PARD3B: variants seen among roughly 807,000 people sequenced by gnomAD.
PARD3B encodes par-3 family cell polarity regulator beta, also known as partitioning defective 3 homolog B.
PARD3B carries 103 observed loss-of-function variants against 130.2 expected under a neutral mutation model. The ratio of observed to expected loss-of-function variants is 0.79; its 90% confidence interval spans 0.67 to 0.93. PARD3B has a LOEUF of 0.93. Ranked by LOEUF, PARD3B falls within the 40% of genes least tolerant of loss-of-function variation. The probability of loss-of-function intolerance (pLI) is 0.00; values close to 1 mark genes in which losing one functional copy is unlikely to be tolerated. For synonymous variants in PARD3B, 583 were observed against 553.2 expected (o/e 1.05, Z -0.76); for missense variants, 1,609 against 1,499.2 (o/e 1.07, Z -1.21).
At position 205,124,404 on chromosome 2, in the gene PARD3B, A is replaced by AT. The variant is rs1195838301; in HGVS notation, c.1247dup (p.Leu416PhefsTer68). On this transcript the variant is annotated frameshift_variant, in exon 9 of 23. Coordinates refer to ENST00000406610, the MANE Select transcript of PARD3B (RefSeq NM_001302769.2). LOFTEE classifies it high-confidence loss of function. ...TCCCGGTCCCATTTTTGTAAAAAAC[A>AT]TTTTACCAAAGGGAGCAGCAATAAA... 5 of 1,607,816 alleles carry AT rather than the reference A, an allele frequency of 3.1e-6. No homozygotes were observed. In the South Asian group the frequency reaches 5.6e-5, roughly 18 times the overall value.
At chr2:205,339,974 T>G (rs986692062) in intron 18 of PARD3B, among the ~76,000 whole-genome samples, 1 of 152,126 alleles carries the variant, frequency 6.6e-6, no homozygotes, top group African/African-American at 2.4e-5. Flanking sequence ...TTTTAAAATC[T>G]AAGATGAACT....
At chr2:205,605,757 C>T (rs2054970281) in intron 22 of PARD3B, among the ~76,000 whole-genome samples, 2 of 151,870 alleles carry the variant, frequency 1.3e-5, no homozygotes, top group African/African-American at 2.4e-5. Context: ...TAATGAAGTG[C>T]TCTGGCTGCC....
chr2:205,203,622 G>A (rs2037113870), intron 15 of PARD3B, among the ~76,000 whole-genome samples: 1 of 151,862 alleles, frequency 6.6e-6, no homozygotes, highest in Non-Finnish European at 1.5e-5. Flanking sequence ...CCCCCAACAG[G>A]CCCTGGTGTG....
chr2:205,308,730 G>A (rs2042274601), intron 18 of PARD3B, among the ~76,000 whole-genome samples: 1 of 152,062 alleles, frequency 6.6e-6, no homozygotes, highest in Admixed American at 6.5e-5. Flanking sequence ...AGATATTTCA[G>A]GGACAATCCA....
intron 22 of PARD3B, among the ~76,000 whole-genome samples, chr2:205,560,835 G>A (rs2106520188): frequency 1.3e-5 from 2 of 152,322 alleles, no homozygotes; most frequent in South Asian, 4.1e-4. Flanking sequence ...TTTAGAAGGA[G>A]CAAGCAGCTA....
chr2:204,820,071 C>CTGTTTTTT (rs2043285232), intron 2 of PARD3B, among the ~76,000 whole-genome samples: 1 of 98,428 alleles, frequency 1.0e-5, no homozygotes, highest in East Asian at 3.3e-4. Flanking sequence ...AAACAATAGA[C>CTGTTTTTT]TTTTTTTTTT....
At chr2:204,631,438 T>A (rs1056004361) in intron 1 of PARD3B, among the ~76,000 whole-genome samples, 1 of 151,900 alleles carries the variant, frequency 6.6e-6, no homozygotes, top group Non-Finnish European at 1.5e-5. Context: ...TTAGTAGAGA[T>A]GGGGTTTCAC....
intron 18 of PARD3B, among the ~76,000 whole-genome samples, chr2:205,399,291 T>A (rs1308163412): frequency 6.6e-6 from 1 of 151,802 alleles, no homozygotes; most frequent in Admixed American, 6.6e-5. Context: ...AAACAAAAAA[T>A]CTAGGAATCT....
chr2:205,411,319 A>T (rs543073632), intron 19 of PARD3B, among the ~76,000 whole-genome samples: 151 of 152,258 alleles, frequency 9.9e-4, no homozygotes, highest in African/African-American at 3.4e-3. Flanking sequence ...TTTTGAAATT[A>T]TTTCTCAAGT....
chr2:204,922,461 T>C (rs2047718447), intron 2 of PARD3B, among the ~76,000 whole-genome samples: 1 of 152,032 alleles, frequency 6.6e-6, no homozygotes, highest in South Asian at 2.1e-4. Context: ...AAGAAATTTT[T>C]TTTTCTTGGT....
intron 2 of PARD3B, among the ~76,000 whole-genome samples, chr2:204,848,323 T>G (rs562425693): frequency 2.6e-5 from 4 of 152,294 alleles, no homozygotes; most frequent in African/African-American, 9.6e-5. Context: ...TATTCAGTTC[T>G]GTTTTTAGAA....
At chr2:204,808,461 G>A (rs1341329135) in intron 2 of PARD3B, among the ~76,000 whole-genome samples, 2 of 152,058 alleles carry the variant, frequency 1.3e-5, no homozygotes, top group African/African-American at 2.4e-5. Context: ...GTACCCAATA[G>A]CTGTTTTTTT....
At chr2:204,578,262 A>G (rs1186734792) in intron 1 of PARD3B, among the ~76,000 whole-genome samples, 1 of 152,194 alleles carries the variant, frequency 6.6e-6, no homozygotes, top group Non-Finnish European at 1.5e-5. Context: ...CTAAACTTAC[A>G]TAGGGAGCGT....
At chr2:205,488,260 G>A (rs750299386) in intron 20 of PARD3B, among the ~76,000 whole-genome samples, 47 of 152,152 alleles carry the variant, frequency 3.1e-4, no homozygotes, top group Non-Finnish European at 6.0e-4. Flanking sequence ...TTTTCCACAG[G>A]GCGGGGGGTG....
chr2:204,620,394 A>G (rs2034257660), intron 1 of PARD3B, among the ~76,000 whole-genome samples: 1 of 152,126 alleles, frequency 6.6e-6, no homozygotes, highest in Admixed American at 6.5e-5. Flanking sequence ...TACCCGGTCC[A>G]TGCACCTTTC....
Position 205,350,109 on chromosome 2 carries a change from A to G in PARD3B, c.2630+48408A>G, listed in dbSNP as rs73062528. ...TCTTTATATGCCTCTGTTATATCAG[A>G]AAGACCTGGGTTTCTGGAGCAGCTT... On this transcript the variant is annotated intron_variant, in intron 18 of 22. Coordinates refer to ENST00000406610, the MANE Select transcript of PARD3B (RefSeq NM_001302769.2). Among the ~76,000 whole-genome samples, 386 of 152,282 alleles carry G rather than the reference A, an allele frequency of 2.5e-3. 3 individuals are homozygous for G. The highest frequency in any genetic ancestry group is 9.1e-3 in the African/African-American group (377 of 41,570).
At position 205,499,936 on chromosome 2, in the gene PARD3B, T is replaced by C; in HGVS notation, c.3085T>C (p.Leu1029=). The change falls in exon 21 of 23, where the codon TTG becomes CTG. Residue 1029 remains leucine, a synonymous_variant. Coordinates refer to ENST00000406610, the MANE Select transcript of PARD3B (RefSeq NM_001302769.2). ...TGGSTDRIQK[L]RKEYYQARRE... is the part of the protein sequence containing the mutation. ...TGGAAGCACTGACCGTATCCAGAAG[T>C]TGCGGAAAGAGTATTATCAGGCTCG... The C allele has an allele frequency of 6.2e-7, 1 of 1,613,846 alleles. No homozygotes were observed. Among genetic ancestry groups the C allele is most frequent in the South Asian group, 1.1e-5 (1 of 91,054 alleles).
rs1179482443 is a variant in PARD3B at position 205,244,227 on chromosome 2, C to G, written c.2141-1551C>G. Among the ~76,000 whole-genome samples the G allele has an allele frequency of 6.6e-6, 1 of 151,646 alleles. No homozygotes were observed. The highest frequency in any genetic ancestry group is 1.9e-4 in the East Asian group (1 of 5,176). ...GTCAATTAAGACTGAATGTTGTGGG[C>G]AGAGAAAAAAAGGGACATGTTACTC... is the stretch of plus-strand genomic sequence containing the variant. On this transcript the variant is annotated intron_variant, in intron 15 of 22. Transcript: ENST00000406610. This position sits in a 1 kb window ranked among gnomAD's most constrained non-coding sequence, Gnocchi z 4.7.
chr2:204,947,059 T>C (rs1689385340), intron 2 of PARD3B, among the ~76,000 whole-genome samples: 1 of 152,188 alleles, frequency 6.6e-6, no homozygotes, highest in Non-Finnish European at 1.5e-5. Flanking sequence ...GCCTACTGAC[T>C]CAAATGTTAA....
Sources: allele counts gnomAD v4.1 joint callset (sites outside exome capture counted in the v4.1 genomes callset), GRCh38; gene constraint gnomAD v4.1.1; non-coding constraint Gnocchi (gnomAD v3.1); transcripts MANE v1.5; gene names NCBI Gene and HGNC (gene_info 2026-07-23, HGNC 2026-07-21).